The following NR5A2 variants were observed in gnomAD, a reference collection of about 807,000 sequenced individuals.
The protein encoded by NR5A2 is nuclear receptor subfamily 5 group A member 2, also known as CYP7A promoter-binding factor.
Under a neutral mutation model 62.7 loss-of-function variants are expected in NR5A2, and 26 were observed. The ratio of observed to expected loss-of-function variants is 0.41; its 90% CI spans 0.30 to 0.58. The LOEUF (loss-of-function observed/expected upper bound fraction) is 0.58, where lower values mean the gene tolerates loss of function less well. Ranked by LOEUF, NR5A2 falls within the 20% of genes least tolerant of loss-of-function variation. The pLI is 0.22. For missense variants in NR5A2, 541 were observed against 669.1 expected, an observed-to-expected ratio of 0.81 and a Z score of 2.11; for synonymous variants, 246 against 241.7, an observed-to-expected ratio of 1.02 and a Z score of -0.16.
At chr1:200,170,514 G>A (rs552318768) in intron 7 of NR5A2, among the ~76,000 whole-genome samples, 122 of 152,268 alleles carry the variant, frequency 8.0e-4, no homozygotes, top group Non-Finnish European at 1.2e-3. Context: ...GGTCTTCTGG[G>A]AGGTGTTATC....
intron 6 of NR5A2, among the ~76,000 whole-genome samples, chr1:200,113,801 G>C (rs1438870617): frequency 6.6e-6 from 1 of 151,872 alleles, no homozygotes; most frequent in Non-Finnish European, 1.5e-5. Context: ...ATTTTAAGAA[G>C]GTAGTTAAAA....
chr1:200,143,410 T>C (rs1027955638), intron 7 of NR5A2, among the ~76,000 whole-genome samples: 1 of 152,066 alleles, frequency 6.6e-6, no homozygotes, highest in Non-Finnish European at 1.5e-5. Context: ...GGGCAGTAAA[T>C]TAGGATTAGT....
At chr1:200,160,274 A>G (rs1420355263) in intron 7 of NR5A2, among the ~76,000 whole-genome samples, 1 of 152,272 alleles carries the variant, frequency 6.6e-6, no homozygotes, top group Admixed American at 6.5e-5. Context: ...AATATCTAGA[A>G]GACTACATCT....
intron 7 of NR5A2, among the ~76,000 whole-genome samples, chr1:200,163,336 A>C (rs2102383030): frequency 6.6e-6 from 1 of 151,986 alleles, no homozygotes; most frequent in Non-Finnish European, 1.5e-5. Context: ...GAATTTAAAC[A>C]AAAAAGCTTA....
intron 5 of NR5A2, among the ~76,000 whole-genome samples, chr1:200,103,471 C>T (rs1052097353): frequency 6.6e-6 from 1 of 151,806 alleles, no homozygotes; most frequent in Non-Finnish European, 1.5e-5. Flanking sequence ...AAGGGTTTCC[C>T]AATAGTGGTA....
Position 200,027,800 on chromosome 1 carries a change from C to T in NR5A2, c.-48C>T, listed in dbSNP as rs1661400755. ...TGACAAGCTGCACTTTTCTTTTGCT[C>T]AATGATTTCTGCTTTAAGCCAAAGA... On this transcript the variant is annotated 5_prime_UTR_variant, in exon 1 of 8. Coordinates refer to ENST00000367362, the MANE Select transcript of NR5A2 (RefSeq NM_205860.3). 3.5e-6 allele frequency: 5 copies of T among 1,428,244 alleles called. No homozygotes were observed. Among genetic ancestry groups the T allele is most frequent in the Non-Finnish European group, 4.9e-6 (5 of 1,030,694 alleles). The allele number at this position is 1,428,244 out of a possible 1,614,324, so 88.5% of individuals were successfully genotyped here.
intron 5 of NR5A2, among the ~76,000 whole-genome samples, chr1:200,082,048 A>C (rs1392180345): frequency 1.3e-5 from 2 of 152,074 alleles, no homozygotes; most frequent in Admixed American, 6.6e-5. Context: ...TGGTTTTCGT[A>C]TGGTTTGAAT....
intron 2 of NR5A2, chr1:200,042,957 G>C (rs1662186041): frequency 9.1e-6 from 9 of 984,744 alleles, no homozygotes; most frequent in Non-Finnish European, 9.6e-6. Flanking sequence ...TTAATAGGGC[G>C]ATCTCGAGGT....
intron 5 of NR5A2, among the ~76,000 whole-genome samples, chr1:200,078,032 CTAGT>C (rs1435135232): frequency 1.3e-5 from 2 of 152,166 alleles, no homozygotes; most frequent in East Asian, 3.8e-4. Flanking sequence ...GGTAAAGAAG[CTAGT>C]TAAAGAAAGT....
rs374815816 is a variant in NR5A2, at chr1:200,111,328, G to A, written c.1230+7G>A. ...CCTGGTTACTGGGCAACAAGTGAGT[G>A]TAGAGACCAAAAAAAAAAAAAAAGC... On this transcript the variant is annotated splice_region_variant and intron_variant, in intron 6 of 7. Coordinates refer to ENST00000367362, the MANE Select transcript of NR5A2 (RefSeq NM_205860.3). 318 of 1,449,046 alleles carry A rather than the reference G, an allele frequency of 2.2e-4. 1 individual carries two copies. The highest frequency in any genetic ancestry group is 2.0e-4 in the Non-Finnish European group (221 of 1,081,178). 89.8% of individuals were successfully genotyped at this position (1,449,046 alleles called of 1,614,324 possible).
chr1:200,043,076 C>A, intron 2 of NR5A2: 1 of 856,174 alleles, frequency 1.2e-6, no homozygotes, highest in Non-Finnish European at 1.4e-6. Flanking sequence ...GTATTTTTCC[C>A]CGTACGGGCG....
At chr1:200,156,500 C>T (rs971528117) in intron 7 of NR5A2, among the ~76,000 whole-genome samples, 4 of 152,118 alleles carry the variant, frequency 2.6e-5, no homozygotes, top group Non-Finnish European at 4.4e-5. Context: ...CGGGTTCAAG[C>T]AATTCTCCTG....
At chr1:200,158,930 GTC>G (rs920543442) in intron 7 of NR5A2, among the ~76,000 whole-genome samples, 2 of 150,522 alleles carry the variant, frequency 1.3e-5, no homozygotes, top group Non-Finnish European at 3.0e-5. Context: ...TAGGGACAGG[GTC>G]TCTGTCACCC....
rs533703863 is a variant in NR5A2, at chr1:200,049,203, T to C, written c.1110+385T>C. On this transcript the variant is annotated intron_variant, in intron 5 of 7. Transcript: ENST00000367362. ...AATTACCATGTAAAGAGCTATATTA[T>C]AATGGTGTCATCTTGAAGGTTTCTT... is the stretch of plus-strand genomic sequence containing the variant. Among the ~76,000 whole-genome samples the C allele has an allele frequency of 3.6e-4, 55 of 152,338 alleles. 1 individual carries two copies. The South Asian group carries it at 0.011, about 30-fold the overall frequency.
intron 7 of NR5A2, among the ~76,000 whole-genome samples, chr1:200,135,306 A>G (rs1339221932): frequency 6.6e-6 from 1 of 152,210 alleles, no homozygotes; most frequent in Non-Finnish European, 1.5e-5. Context: ...GGATCACCTG[A>G]GGTCGCGAGT....
Position 200,175,037 on chromosome 1 carries a change from T to G in NR5A2, c.*827T>G, listed in dbSNP as rs1654357053. 6.5e-6 allele frequency: 1 copy of G among 152,688 alleles called. No individual in the cohort carries two copies. The highest frequency in any genetic ancestry group is 6.5e-5 in the Admixed American group (1 of 15,286). The allele number at this position is 152,688 out of a possible 1,614,324, so 9.5% of individuals were successfully genotyped here. A position where few individuals can be genotyped will look rare whatever the true frequency, so the allele number is the denominator to read the frequency against. ...GCTAAAGCAACTTAGACCTTATTTC[T>G]GCTACTGTTGCTGAAATGTGGCTTT... On this transcript the variant is annotated 3_prime_UTR_variant, in exon 8 of 8. Coordinates refer to ENST00000367362, the MANE Select transcript of NR5A2 (RefSeq NM_205860.3).
intron 5 of NR5A2, chr1:200,054,156 C>A (rs1444572270): frequency 6.6e-6 from 1 of 152,124 alleles, no homozygotes; most frequent in Non-Finnish European, 1.5e-5. Context: ...ATGAAACTGT[C>A]CATAAAAAAG....
At chr1:200,034,434 G>T (rs1661671934) in intron 1 of NR5A2, among the ~76,000 whole-genome samples, 1 of 152,158 alleles carries the variant, frequency 6.6e-6, no homozygotes, top group Non-Finnish European at 1.5e-5. Flanking sequence ...ATACCCTGGC[G>T]GGGCACTCCA....
chr1:200,146,004 T>TATCA (rs1161123421), intron 7 of NR5A2, among the ~76,000 whole-genome samples: 1 of 152,218 alleles, frequency 6.6e-6, no homozygotes, highest in Admixed American at 6.5e-5. Flanking sequence ...AAATTTTACT[T>TATCA]ATCAAAAATT....
Sources: gnomAD v4.1 joint callset for allele counts (sites outside exome capture counted in the v4.1 genomes callset) on GRCh38, gnomAD v4.1.1 for gene constraint, MANE v1.5 for transcripts, NCBI Gene and HGNC (gene_info 2026-07-23, HGNC 2026-07-21) for gene names.